Variants in WNT4 observed in about 807,000 individuals in gnomAD.
The protein encoded by WNT4 is Wnt family member 4, also known as protein Wnt-4.
WNT4 carries 16 observed loss-of-function variants against 34.5 expected under a neutral mutation model. The observed-to-expected ratio is 0.46, with a 90% CI of 0.31 to 0.70. The LOEUF is 0.70. WNT4 is among the 30% of genes least tolerant of loss of function. The pLI, the probability that WNT4 is intolerant of heterozygous loss-of-function variation, is 0.04. For missense variants in WNT4, 379 were observed against 495.9 expected (o/e 0.76, Z 2.24); for synonymous variants, 200 against 211.9 (o/e 0.94, Z 0.49).
Position 22,142,621 on chromosome 1 carries a change from G to T in WNT4, c.77+225C>A, listed in dbSNP as rs1442137140. Among the ~76,000 whole-genome samples, 1 of 151,916 alleles carries T rather than the reference G, an allele frequency of 6.6e-6. No homozygotes were observed. Among genetic ancestry groups the T allele is most frequent in the Non-Finnish European group, 1.5e-5 (1 of 67,946 alleles). ...TGCGGACGCCGCCACAGCCACCCCT[G>T]ACGCCTCTGGGCAGGGAGCCGGACC... On this transcript the variant is annotated intron_variant, in intron 1 of 4. Coordinates refer to ENST00000290167, the MANE Select transcript of WNT4 (RefSeq NM_030761.5). This position sits in a 1 kb window ranked among gnomAD's most constrained non-coding sequence, Gnocchi z 6.0.
chr1:22,138,571 C>T (rs1339348785), intron 1 of WNT4, among the ~76,000 whole-genome samples: 4 of 152,298 alleles, frequency 2.6e-5, no homozygotes, highest in East Asian at 1.9e-4. Flanking sequence ...ACCAGTGATA[C>T]GGAGGCTGAG....
At chr1:22,128,262 C>G (rs1029469222) in intron 2 of WNT4, among the ~76,000 whole-genome samples, 8 of 152,230 alleles carry the variant, frequency 5.3e-5, no homozygotes, top group Admixed American at 4.6e-4. Context: ...CCCGGCCGTC[C>G]AGGACCACAG....
chr1:22,141,500 G>A (rs1423521055), intron 1 of WNT4, among the ~76,000 whole-genome samples: 1 of 152,194 alleles, frequency 6.6e-6, no homozygotes, highest in Non-Finnish European at 1.5e-5. Flanking sequence ...AGTGGGAGAA[G>A]GTGGTGGTGC....
At chr1:22,125,683 G>A (rs1645934989) in intron 2 of WNT4, among the ~76,000 whole-genome samples, 1 of 152,166 alleles carries the variant, frequency 6.6e-6, no homozygotes. Context: ...TCAGGACAGG[G>A]ACTTGCTCAA....
Position 22,142,889 on chromosome 1 carries a change from G to A in WNT4, c.34C>T (p.Leu12Phe). 3.3e-6 allele frequency: 4 copies of A among 1,210,758 alleles called. No individual in the cohort carries two copies. The highest frequency in any genetic ancestry group is 4.2e-6 in the Non-Finnish European group (4 of 945,736). 75.0% of individuals were successfully genotyped at this position (1,210,758 alleles called of 1,614,324 possible). A position where few individuals can be genotyped will look rare whatever the true frequency, so the allele number is the denominator to read the frequency against. The part of the protein sequence containing the change: ...SPRSCLRSLR[L>F]LVFAVFSAAA... ...GCTGAGAAGACGGCGAAGACGAGGA[G>A]GCGCAGCGAACGCAGGCACGAGCGG... Residue 12 changes from leucine to phenylalanine, a missense_variant, in exon 1 of 5, where the codon CTC (leucine) becomes TTC (phenylalanine). Coordinates refer to ENST00000290167, the MANE Select transcript of WNT4 (RefSeq NM_030761.5). The surrounding 1 kb of genome is among the most constrained non-coding windows in gnomAD (Gnocchi z 6.0).
In WNT4 at chr1:22,134,373, G is replaced by A. The variant is rs1211314274; in HGVS notation, c.78-4522C>T. Among the ~76,000 whole-genome samples, 1 of 152,158 alleles carries A rather than the reference G, an allele frequency of 6.6e-6. No individual in the cohort carries two copies. The highest frequency in any genetic ancestry group is 1.5e-5 in the Non-Finnish European group (1 of 68,030). On this transcript the variant is annotated intron_variant, in intron 1 of 4. Transcript: ENST00000290167. This position sits in a 1 kb window ranked among gnomAD's most constrained non-coding sequence, Gnocchi z 4.1. ...CCATCTAGGACTGTGTTCTTAGGGG[G>A]ATGGTACCTGGTTTCCCAAGATCCT...
Position 22,137,249 on chromosome 1 carries a change from C to T in WNT4, c.77+5597G>A, listed in dbSNP as rs1389510230. On this transcript the variant is annotated intron_variant, in intron 1 of 4. Coordinates refer to ENST00000290167, the MANE Select transcript of WNT4 (RefSeq NM_030761.5). The surrounding 1 kb of genome is among the most constrained non-coding windows in gnomAD (Gnocchi z 5.3). ...TTGCCAGGACATGGGGGAGGGGGAG[C>T]TGGTGGGGTCACGGCAGGGAGCGAG... 1.3e-5 allele frequency among the ~76,000 whole-genome samples: 2 copies of T among 152,178 alleles called. No individual in the cohort carries two copies. The highest frequency in any genetic ancestry group is 2.9e-5 in the Non-Finnish European group (2 of 68,018).
At chr1:22,129,541 G>A (rs1373578560) in intron 2 of WNT4, 75 bp downstream of exon 2, 16 of 1,491,428 alleles carry the variant, frequency 1.1e-5, no homozygotes, top group Middle Eastern at 2.2e-4. Context: ...CGTTGCTCAC[G>A]AGCGTCTCAT....
chr1:22,135,186 A>T (rs750263877), intron 1 of WNT4, among the ~76,000 whole-genome samples: 6 of 152,138 alleles, frequency 3.9e-5, no homozygotes, highest in Non-Finnish European at 7.4e-5. Flanking sequence ...GGGACTTGGA[A>T]ACCATTTGTG....
chr1:22,131,943 G>A (rs1298126858), intron 1 of WNT4, among the ~76,000 whole-genome samples: 1 of 152,202 alleles, frequency 6.6e-6, no homozygotes, highest in Non-Finnish European at 1.5e-5. Context: ...GAAGGGGGCT[G>A]AGAAGCAGCA....
intron 2 of WNT4, among the ~76,000 whole-genome samples, chr1:22,125,757 CAGG>C (rs1353478517): frequency 6.6e-6 from 1 of 152,142 alleles, no homozygotes; most frequent in Non-Finnish European, 1.5e-5. Context: ...TGGAGGACAG[CAGG>C]AGAAGGGAAG....
intron 2 of WNT4, among the ~76,000 whole-genome samples, chr1:22,122,442 C>A (rs1463161176): frequency 6.6e-6 from 1 of 152,152 alleles, no homozygotes; most frequent in Non-Finnish European, 1.5e-5. Context: ...CCGCCCTCGT[C>A]CCTCGCCTGA....
chr1:22,136,595 G>A (rs894081966), intron 1 of WNT4, among the ~76,000 whole-genome samples: 1 of 152,168 alleles, frequency 6.6e-6, no homozygotes, highest in African/African-American at 2.4e-5. Flanking sequence ...CATCCCCCCA[G>A]CAGAGAATAA....
chr1:22,122,868 G>A (rs1488960262), intron 2 of WNT4, among the ~76,000 whole-genome samples: 5 of 152,172 alleles, frequency 3.3e-5, no homozygotes, highest in Admixed American at 1.3e-4. Flanking sequence ...CACTCAGGAC[G>A]CCCTGTTCTT....
At chr1:22,136,949 C>G (rs557908068) in intron 1 of WNT4, among the ~76,000 whole-genome samples, 2 of 152,272 alleles carry the variant, frequency 1.3e-5, no homozygotes, top group African/African-American at 4.8e-5. Context: ...GGGCCCAATC[C>G]TGGGATTTCA....
At chr1:22,130,278 C>G (rs1042634260) in intron 1 of WNT4, among the ~76,000 whole-genome samples, 3 of 152,216 alleles carry the variant, frequency 2.0e-5, no homozygotes, top group Non-Finnish European at 4.4e-5. Context: ...CTGTCCTAGG[C>G]AGGAACCCCA....
At chr1:22,122,737 C>A (rs534203200) in intron 2 of WNT4, among the ~76,000 whole-genome samples, 1 of 152,312 alleles carries the variant, frequency 6.6e-6, no homozygotes, top group Non-Finnish European at 1.5e-5. Context: ...CCTGTGCTCT[C>A]GGCTGCCCCA....
chr1:22,136,323 C>A (rs1646021430), intron 1 of WNT4, among the ~76,000 whole-genome samples: 1 of 152,196 alleles, frequency 6.6e-6, no homozygotes, highest in African/African-American at 2.4e-5. Flanking sequence ...ACCCATCCGA[C>A]CTGTGTCCCC....
rs543551086 is a variant in WNT4, at chr1:22,122,991, G to T, written c.314-1415C>A. Among the ~76,000 whole-genome samples, 191 of 152,356 alleles carry T rather than the reference G, an allele frequency of 1.3e-3. 1 individual carries two copies. The highest frequency in any genetic ancestry group is 2.9e-3 in the Admixed American group (45 of 15,308). On this transcript the variant is annotated intron_variant, in intron 2 of 4. Coordinates refer to ENST00000290167, the MANE Select transcript of WNT4 (RefSeq NM_030761.5). Reference sequence around the variant, plus strand: ...TGGGGGGCTTGGCTGGAGCAATGGCGCCTCGACAGCCTGAGACAGAGTCTT... The same window carrying T: ...TGGGGGGCTTGGCTGGAGCAATGGCTCCTCGACAGCCTGAGACAGAGTCTT...
Sources: gnomAD v4.1 joint callset for allele counts (sites outside exome capture counted in the v4.1 genomes callset) on GRCh38, gnomAD v4.1.1 for gene constraint, Gnocchi (gnomAD v3.1) non-coding constraint, MANE v1.5 for transcripts, NCBI Gene and HGNC (gene_info 2026-07-23, HGNC 2026-07-21) for gene names.